FBXW11: variants seen among roughly 807,000 people sequenced by gnomAD.
FBXW11 encodes F-box and WD repeat domain containing 11.
FBXW11 carries 19 observed loss-of-function variants against 77.6 expected under a neutral mutation model. The ratio of observed to expected loss-of-function variants is 0.24; its 90% CI spans 0.17 to 0.36. The LOEUF (loss-of-function observed/expected upper bound fraction) is 0.36, where lower values mean the gene tolerates loss of function less well. FBXW11 is among the 10% of genes least tolerant of loss of function. FBXW11 has a pLI of 1.00. For missense variants in FBXW11, 334 were observed against 704.2 expected (o/e 0.47, Z 5.95); for synonymous variants, 235 against 249.4 (o/e 0.94, Z 0.54).
intron 1 of FBXW11, among the ~76,000 whole-genome samples, chr5:171,967,883 TACACACACACACACACAC>T (rs59469025): frequency 4.0e-5 from 3 of 74,974 alleles, no homozygotes; most frequent in African/African-American, 1.8e-4. Flanking sequence ...TATATATATA[TACACACACACACACACAC>T]ACACACACAC....
At chr5:171,878,553 A>AGAGTGTGTGTGTGTGT (rs879378029) in intron 7 of FBXW11, among the ~76,000 whole-genome samples, 10 of 105,392 alleles carry the variant, frequency 9.5e-5, no homozygotes, top group African/African-American at 3.6e-4. Context: ...TCTCCATAAG[A>AGAGTGTGTGTGTGTGT]GTGTGTGAGT....
At chr5:171,874,675 C>T (rs961118790) in intron 9 of FBXW11, among the ~76,000 whole-genome samples, 9 of 148,808 alleles carry the variant, frequency 6.0e-5, no homozygotes, top group Non-Finnish European at 8.9e-5. Context: ...AATGGTACAG[C>T]GCCTTTGGAA....
intron 9 of FBXW11, among the ~76,000 whole-genome samples, chr5:171,874,631 C>G (rs1757956483): frequency 6.6e-6 from 1 of 151,830 alleles, no homozygotes. Context: ...TCTGAGCAAG[C>G]TGAAACCCTC....
At chr5:171,870,443 A>G (rs1161549849) in intron 11 of FBXW11, among the ~76,000 whole-genome samples, 1 of 152,214 alleles carries the variant, frequency 6.6e-6, no homozygotes, top group African/African-American at 2.4e-5. Flanking sequence ...GGGATAAAGC[A>G]AAGAAGTCAA....
intron 2 of FBXW11, among the ~76,000 whole-genome samples, chr5:171,956,379 A>G (rs1437162447): frequency 1.3e-5 from 2 of 152,194 alleles, no homozygotes; most frequent in Non-Finnish European, 2.9e-5. Context: ...TTGTAAGGTG[A>G]GACTTGTAAC....
chr5:171,995,862 C>G (rs1766017173), intron 1 of FBXW11, among the ~76,000 whole-genome samples: 1 of 152,136 alleles, frequency 6.6e-6, no homozygotes, highest in East Asian at 1.9e-4. Context: ...CTCTTGCAGA[C>G]AGGCAATTTG....
At chr5:171,991,692 T>C (rs148036918) in intron 1 of FBXW11, among the ~76,000 whole-genome samples, 78 of 152,330 alleles carry the variant, frequency 5.1e-4, no homozygotes, top group South Asian at 1.0e-3. Flanking sequence ...GTACATAAGA[T>C]ACGTTCTCAA....
chr5:171,917,476 C>A (rs1761328294), intron 2 of FBXW11, among the ~76,000 whole-genome samples: 1 of 152,146 alleles, frequency 6.6e-6, no homozygotes, highest in Non-Finnish European at 1.5e-5. Flanking sequence ...AAAATAGCAG[C>A]TATTGCCTTA....
chr5:171,982,972 C>T (rs112916958), intron 1 of FBXW11, among the ~76,000 whole-genome samples: 4 of 152,246 alleles, frequency 2.6e-5, no homozygotes, highest in African/African-American at 9.6e-5. Context: ...GAGGCCAAGG[C>T]AGGTGGATCA....
intron 1 of FBXW11, among the ~76,000 whole-genome samples, chr5:171,989,188 T>TA (rs1267262541): frequency 6.6e-6 from 1 of 152,046 alleles, no homozygotes; most frequent in East Asian, 1.9e-4. Flanking sequence ...AATAATAAAA[T>TA]AAAAAATCTA....
chr5:171,919,537 T>C (rs1761452527), intron 2 of FBXW11, among the ~76,000 whole-genome samples: 1 of 152,200 alleles, frequency 6.6e-6, no homozygotes, highest in African/African-American at 2.4e-5. Context: ...ATATACCTTA[T>C]CAAGTAGCTC....
At chr5:171,977,455 T>A (rs1033363174) in intron 1 of FBXW11, among the ~76,000 whole-genome samples, 1 of 152,140 alleles carries the variant, frequency 6.6e-6, no homozygotes, top group African/African-American at 2.4e-5. Flanking sequence ...GAATATGCCA[T>A]GAACTGAAGA....
At chr5:171,960,560 A>G (rs1471867039) in intron 1 of FBXW11, among the ~76,000 whole-genome samples, 1 of 152,262 alleles carries the variant, frequency 6.6e-6, no homozygotes, top group Non-Finnish European at 1.5e-5. Flanking sequence ...GATTCTGCTA[A>G]TAAGTTGGAA....
Position 171,919,988 on chromosome 5 carries a change from T to C in FBXW11, c.148-5583A>G, listed in dbSNP as rs1761492298. 2.0e-5 allele frequency among the ~76,000 whole-genome samples: 3 copies of C among 152,060 alleles called. No individual in the cohort carries two copies. In the South Asian group the frequency reaches 6.2e-4, roughly 32 times the overall value. ...CTGGCCAACATGGTGAAACCCCATC[T>C]CTACTAAAAATACAAAAATTAGCCA... is the stretch of plus-strand genomic sequence containing the variant. On this transcript the variant is annotated intron_variant, in intron 2 of 13. Transcript: ENST00000517395.
intron 1 of FBXW11, among the ~76,000 whole-genome samples, chr5:171,997,815 T>C (rs1171106969): frequency 6.6e-6 from 1 of 152,184 alleles, no homozygotes; most frequent in Non-Finnish European, 1.5e-5. Context: ...AGAAAAAGCA[T>C]TCAGCAGAAC....
At position 171,969,459 on chromosome 5, in the gene FBXW11, T is replaced by G. The variant is rs1764403554; in HGVS notation, c.46-11761A>C. 1.3e-5 allele frequency among the ~76,000 whole-genome samples: 2 copies of G among 152,240 alleles called. 1 individual carries two copies. The highest frequency in any genetic ancestry group is 4.1e-4 in the South Asian group (2 of 4,834). On this transcript the variant is annotated intron_variant, in intron 1 of 13. Coordinates refer to ENST00000517395, the MANE Select transcript of FBXW11 (RefSeq NM_001378974.1). Reference sequence around the variant, plus strand: ...TATTTCTATTTTATCTTTTTCATTTTAAACTGCTTAGTCATTTAAAAAAGT... The same window carrying G: ...TATTTCTATTTTATCTTTTTCATTTGAAACTGCTTAGTCATTTAAAAAAGT...
intron 1 of FBXW11, among the ~76,000 whole-genome samples, chr5:171,967,155 T>C (rs1764233995): frequency 6.6e-6 from 1 of 152,238 alleles, no homozygotes; most frequent in African/African-American, 2.4e-5. Flanking sequence ...ATCTCTGGTA[T>C]GCAACTCTGC....
In FBXW11 at chr5:171,921,395, T is replaced by C. The variant is rs116549772; in HGVS notation, c.148-6990A>G. On this transcript the variant is annotated intron_variant, in intron 2 of 13. Transcript: ENST00000517395. ...GCATTAAGTAATTAACAGTTAAGAGTCACACAGCTAGTAAATGAGAGACAC... is the reference window on the plus strand; with the variant it reads ...GCATTAAGTAATTAACAGTTAAGAGCCACACAGCTAGTAAATGAGAGACAC... 4.8e-3 allele frequency among the ~76,000 whole-genome samples: 735 copies of C among 152,220 alleles called. 7 individuals are homozygous for C. The highest frequency in any genetic ancestry group is 7.2e-3 in the Non-Finnish European group (487 of 67,998).
At chr5:171,957,957 T>C (rs539944118) in intron 1 of FBXW11, among the ~76,000 whole-genome samples, 9 of 152,174 alleles carry the variant, frequency 5.9e-5, no homozygotes, top group Non-Finnish European at 1.3e-4. Flanking sequence ...AGAGAATGTT[T>C]AAACAAAAAC....
Sources: allele counts gnomAD v4.1 joint callset (sites outside exome capture counted in the v4.1 genomes callset), GRCh38; gene constraint gnomAD v4.1.1; transcripts MANE v1.5; gene names NCBI Gene and HGNC (gene_info 2026-07-23, HGNC 2026-07-21).